The following RALGAPA1 variants were observed in gnomAD, a reference collection of about 807,000 sequenced individuals.
RALGAPA1 encodes Ral GTPase activating protein catalytic subunit alpha 1, also known as ral GTPase-activating protein subunit alpha-1.
RALGAPA1 carries 52 observed loss-of-function variants against 269.6 expected under a neutral mutation model. The observed-to-expected ratio is 0.19, with a 90% CI of 0.15 to 0.24. The LOEUF is 0.24. Among genes scored for constraint, RALGAPA1 ranks in the 10% least tolerant of loss-of-function variants. RALGAPA1 has a pLI of 1.00. For synonymous variants in RALGAPA1, 817 were observed against 1,008.3 expected (o/e 0.81, Z 3.60); for missense variants, 1,917 against 3,013.9 (o/e 0.64, Z 8.52).
intron 31 of RALGAPA1, among the ~76,000 whole-genome samples, chr14:35,646,030 C>A (rs571119384): frequency 4.6e-5 from 7 of 152,180 alleles, no homozygotes; most frequent in Middle Eastern, 3.4e-3. Flanking sequence ...GATTACAAAT[C>A]ATTGCATAAA....
chr14:35,599,689 T>C (rs1028218633), intron 36 of RALGAPA1, among the ~76,000 whole-genome samples: 19 of 151,908 alleles, frequency 1.3e-4, no homozygotes, highest in Non-Finnish European at 2.1e-4. Context: ...GTGGTGGAGG[T>C]TGCAATGAGC....
intron 37 of RALGAPA1, among the ~76,000 whole-genome samples, chr14:35,580,184 T>C (rs2057863856): frequency 6.6e-6 from 1 of 152,138 alleles, no homozygotes; most frequent in African/African-American, 2.4e-5. Context: ...AAATGAAACA[T>C]AGACTAGAGA....
intron 33 of RALGAPA1, among the ~76,000 whole-genome samples, chr14:35,628,529 A>G (rs1323810291): frequency 2.6e-5 from 4 of 152,334 alleles, no homozygotes; most frequent in African/African-American, 7.2e-5. Context: ...TCAACTGATA[A>G]GTTTCTTATC....
At chr14:35,703,879 T>C (rs561600237) in intron 16 of RALGAPA1, among the ~76,000 whole-genome samples, 2 of 151,944 alleles carry the variant, frequency 1.3e-5, no homozygotes, top group Admixed American at 1.3e-4. Flanking sequence ...TGCATTCCCA[T>C]AAATTCACCT....
At chr14:35,673,941 T>C (rs1229174038) in intron 24 of RALGAPA1, among the ~76,000 whole-genome samples, 1 of 152,188 alleles carries the variant, frequency 6.6e-6, no homozygotes, top group Non-Finnish European at 1.5e-5. Flanking sequence ...TTCAGTTAAA[T>C]ACAATACAGA....
chr14:35,621,576 A>T (rs1371276787), intron 35 of RALGAPA1, among the ~76,000 whole-genome samples: 1 of 152,232 alleles, frequency 6.6e-6, no homozygotes, highest in Non-Finnish European at 1.5e-5. Context: ...GTGAACAGGC[A>T]ACCTACAGAA....
At chr14:35,545,391 T>G (rs2054364094) in intron 41 of RALGAPA1, among the ~76,000 whole-genome samples, 1 of 152,052 alleles carries the variant, frequency 6.6e-6, no homozygotes, top group Non-Finnish European at 1.5e-5. Context: ...GCAGACTAGA[T>G]ACTACTCTAG....
intron 39 of RALGAPA1, among the ~76,000 whole-genome samples, chr14:35,557,412 T>C (rs1244494053): frequency 6.6e-6 from 1 of 152,012 alleles, no homozygotes; most frequent in Non-Finnish European, 1.5e-5. Context: ...GTGCTATAAT[T>C]ATTGGGAATA....
chr14:35,801,231 A>G (rs533994223), intron 1 of RALGAPA1, among the ~76,000 whole-genome samples: 3 of 144,706 alleles, frequency 2.1e-5, no homozygotes, highest in Non-Finnish European at 3.0e-5. Context: ...GTCCTGCTAT[A>G]TATATATACA....
chr14:35,613,221 A>G (rs2060063031), intron 35 of RALGAPA1, among the ~76,000 whole-genome samples: 1 of 151,834 alleles, frequency 6.6e-6, no homozygotes, highest in Non-Finnish European at 1.5e-5. Context: ...AACAGGGATT[A>G]CAGGTGTGCA....
At chr14:35,560,909 T>C (rs2056149121) in intron 39 of RALGAPA1, among the ~76,000 whole-genome samples, 1 of 152,118 alleles carries the variant, frequency 6.6e-6, no homozygotes, top group African/African-American at 2.4e-5. Context: ...AAAACTACCA[T>C]CTTTAAAGGT....
intron 31 of RALGAPA1, among the ~76,000 whole-genome samples, chr14:35,644,543 T>A (rs1200095044): frequency 6.6e-6 from 1 of 152,074 alleles, no homozygotes; most frequent in Non-Finnish European, 1.5e-5. Context: ...CAAACAATAA[T>A]CTCTCTTGGT....
intron 10 of RALGAPA1, among the ~76,000 whole-genome samples, chr14:35,746,606 C>T (rs1034044729): frequency 1.3e-5 from 2 of 152,078 alleles, no homozygotes; most frequent in African/African-American, 4.8e-5. Context: ...TACCAACATA[C>T]ATCCACTAAA....
At chr14:35,770,546 C>T (rs1345605263) in intron 4 of RALGAPA1, among the ~76,000 whole-genome samples, 1 of 151,968 alleles carries the variant, frequency 6.6e-6, no homozygotes, top group Non-Finnish European at 1.5e-5. Flanking sequence ...ACAAATAGAA[C>T]TAGCAAACAA....
intron 17 of RALGAPA1, among the ~76,000 whole-genome samples, chr14:35,696,516 G>T (rs1027419670): frequency 5.3e-5 from 8 of 151,194 alleles, no homozygotes; most frequent in African/African-American, 1.9e-4. Flanking sequence ...TGGACAGTTA[G>T]AACAAGAACA....
At chr14:35,671,661 A>G (rs1026245421) in intron 25 of RALGAPA1, 144 bp from the exon 26 acceptor site, 9 of 464,118 alleles carry the variant, frequency 1.9e-5, no homozygotes, top group African/African-American at 3.9e-5. Context: ...ACTAATTTCA[A>G]TTCTTCCAAA....
At chr14:35,711,839 A>G (rs764566229) in intron 16 of RALGAPA1, among the ~76,000 whole-genome samples, 23 of 152,148 alleles carry the variant, frequency 1.5e-4, no homozygotes, top group Non-Finnish European at 2.8e-4. Context: ...AGGATTCCCA[A>G]TTCCTCCTTC....
At chr14:35,729,004 C>T (rs748698672) in intron 12 of RALGAPA1, among the ~76,000 whole-genome samples, 7 of 151,780 alleles carry the variant, frequency 4.6e-5, no homozygotes, top group Admixed American at 6.6e-5. Flanking sequence ...CAAATTGCTG[C>T]GATTACAGGT....
intron 10 of RALGAPA1, 144 bp downstream of exon 10, chr14:35,748,441 T>C: frequency 4.0e-6 from 4 of 1,008,920 alleles, no homozygotes; most frequent in Non-Finnish European, 5.2e-6. Flanking sequence ...CTCAAACTCC[T>C]GGGCTCAAGC....
Sources: gnomAD v4.1 joint callset for allele counts (sites outside exome capture counted in the v4.1 genomes callset) on GRCh38, gnomAD v4.1.1 for gene constraint, MANE v1.5 for transcripts, NCBI Gene and HGNC (gene_info 2026-07-23, HGNC 2026-07-21) for gene names.